The following ZNF536 variants were observed in gnomAD, a reference collection of about 807,000 sequenced individuals.
ZNF536 encodes the protein zinc finger protein 536.
In ZNF536, 13 loss-of-function variants were observed where a neutral mutation model predicts 84.5. The observed-to-expected ratio is 0.15, with a 90% CI of 0.10 to 0.24. The LOEUF is 0.24. Ranked by LOEUF, ZNF536 falls within the 10% of genes least tolerant of loss-of-function variation. The probability of loss-of-function intolerance (pLI) is 1.00; values close to 1 mark genes in which losing one functional copy is unlikely to be tolerated. For synonymous variants in ZNF536, 811 were observed against 742.5 expected (o/e 1.09, Z -1.50); for missense variants, 1,536 against 1,747.5 (o/e 0.88, Z 2.16).
chr19:30,689,088 C>CT (rs1373732981), intron 1 of ZNF536, among the ~76,000 whole-genome samples: 1 of 152,252 alleles, frequency 6.6e-6, no homozygotes, highest in Admixed American at 6.5e-5. Context: ...AGGCACTAGC[C>CT]TGAGCCCCTT....
chr19:30,599,116 T>G (rs1599936375), intron 1 of ZNF536, among the ~76,000 whole-genome samples: 1 of 112,258 alleles, frequency 8.9e-6, no homozygotes, highest in South Asian at 3.8e-4. Context: ...CCTCCCTCCC[T>G]CCCTCTCTCC....
At chr19:30,279,870 A>G (rs559786055) in intron 1 of ZNF536, among the ~76,000 whole-genome samples, 1 of 152,282 alleles carries the variant, frequency 6.6e-6, no homozygotes, top group African/African-American at 2.4e-5. Flanking sequence ...TTTCTCTCCA[A>G]ATCCTCCTTG....
intron 1 of ZNF536, among the ~76,000 whole-genome samples, chr19:30,629,567 AG>A (rs900597821): frequency 6.6e-6 from 1 of 152,240 alleles, no homozygotes; most frequent in African/African-American, 2.4e-5. Flanking sequence ...TTGTAAAAGA[AG>A]GGGCAAGGCT....
rs35362561 is a variant in ZNF536 at position 30,494,952 on chromosome 19, G to GA, written c.2171-39877dup. 5.7e-3 allele frequency among the ~76,000 whole-genome samples: 509 copies of GA among 89,140 alleles called. 7 individuals are homozygous for GA. The highest frequency in any genetic ancestry group is 9.8e-3 in the Admixed American group (70 of 7,126). The allele number at this position is 89,140 out of a possible 152,430, so 58.5% of individuals were successfully genotyped here. On this transcript the variant is annotated intron_variant, in intron 2 of 4. Transcript: ENST00000355537. Reference sequence around the variant, plus strand: ...CAGAGTGAGACTCCGTCTCAAAAAAGAAAAAAAAAAAAAAAAAAGCCCCCT... The same window carrying GA: ...CAGAGTGAGACTCCGTCTCAAAAAAGAAAAAAAAAAAAAAAAAAAGCCCCCT...
chr19:30,626,957 C>T (rs985709323), intron 1 of ZNF536, among the ~76,000 whole-genome samples: 1 of 152,104 alleles, frequency 6.6e-6, no homozygotes, highest in African/African-American at 2.4e-5. Flanking sequence ...AGGAATTAGC[C>T]AAACCCCTGA....
chr19:30,694,750 G>A (rs1483328025), intron 1 of ZNF536, among the ~76,000 whole-genome samples: 3 of 152,184 alleles, frequency 2.0e-5, no homozygotes, highest in Non-Finnish European at 4.4e-5. Context: ...GAGGGTGAAT[G>A]CATTTATGTC....
At chr19:30,602,951 C>T (rs1471053683) in intron 1 of ZNF536, among the ~76,000 whole-genome samples, 1 of 152,080 alleles carries the variant, frequency 6.6e-6, no homozygotes, top group African/African-American at 2.4e-5. Flanking sequence ...GGTACCCATC[C>T]CCCAGACAAA....
At chr19:30,567,196 C>T (rs541533123) in intron 1 of ZNF536, among the ~76,000 whole-genome samples, 11 of 152,228 alleles carry the variant, frequency 7.2e-5, no homozygotes, top group Non-Finnish European at 1.5e-4. Context: ...CCTGCCAGCC[C>T]GCCAGGCTCA....
At chr19:30,324,478 G>A (rs2046958769) in intron 2 of ZNF536, among the ~76,000 whole-genome samples, 1 of 152,188 alleles carries the variant, frequency 6.6e-6, no homozygotes, top group Admixed American at 6.5e-5. Context: ...GACCTCCCAG[G>A]CTCAGACAGT....
upstream of ZNF536, among the ~76,000 whole-genome samples, chr19:30,227,639 AG>A (rs2022688850): frequency 6.8e-6 from 1 of 146,558 alleles, no homozygotes; most frequent in Admixed American, 6.7e-5. Context: ...CGCGGGTGGG[AG>A]CCGGCGGCCG....
intron 3 of ZNF536, among the ~76,000 whole-genome samples, chr19:30,362,051 G>A (rs114419966): frequency 0.012 from 1,891 of 152,196 alleles, 47 homozygotes; most frequent in African/African-American, 0.044. Flanking sequence ...GCGGGTGTCT[G>A]TCTGTTTCGC....
chr19:30,619,087 C>T (rs890176800), intron 1 of ZNF536, among the ~76,000 whole-genome samples: 1 of 152,068 alleles, frequency 6.6e-6, no homozygotes, highest in African/African-American at 2.4e-5. Context: ...ACATTGTACC[C>T]ACCACGTAAT....
chr19:30,524,257 A>G (rs1174041889), intron 2 of ZNF536, among the ~76,000 whole-genome samples: 1 of 152,218 alleles, frequency 6.6e-6, no homozygotes, highest in Admixed American at 6.5e-5. Flanking sequence ...ATAAAAGAGT[A>G]TGTATTATGT....
intron 1 of ZNF536, among the ~76,000 whole-genome samples, chr19:30,435,329 A>G (rs566399195): frequency 2.0e-5 from 3 of 148,798 alleles, no homozygotes; most frequent in African/African-American, 7.5e-5. Flanking sequence ...GGTGGTGATG[A>G]TGATGGTGAT....
intron 2 of ZNF536, among the ~76,000 whole-genome samples, chr19:30,446,756 C>T (rs2052366717): frequency 6.6e-6 from 1 of 151,868 alleles, no homozygotes; most frequent in African/African-American, 2.4e-5. Context: ...GAAAATCTGT[C>T]ATCAAAATGT....
chr19:30,421,492 G>A (rs1464395502), intron 1 of ZNF536, among the ~76,000 whole-genome samples: 1 of 152,134 alleles, frequency 6.6e-6, no homozygotes, highest in Non-Finnish European at 1.5e-5. Context: ...GGCCTCCTGG[G>A]TAGCTGGGAT....
intron 1 of ZNF536, among the ~76,000 whole-genome samples, chr19:30,238,552 C>T (rs2023711829): frequency 6.6e-6 from 1 of 152,068 alleles, no homozygotes; most frequent in Non-Finnish European, 1.5e-5. Context: ...TCCATCTTTT[C>T]CCTACAGCCA....
At chr19:30,300,030 C>A (rs77979648) in intron 2 of ZNF536, among the ~76,000 whole-genome samples, 1 of 152,212 alleles carries the variant, frequency 6.6e-6, no homozygotes, top group East Asian at 1.9e-4. Context: ...ACTTTTCAGA[C>A]GAGGCAAAAC....
intron 2 of ZNF536, among the ~76,000 whole-genome samples, chr19:30,346,611 C>T (rs2047750748): frequency 6.6e-6 from 1 of 152,114 alleles, no homozygotes; most frequent in South Asian, 2.1e-4. Context: ...TTTTCTATTC[C>T]TGTGTGAGTT....
Sources: allele counts gnomAD v4.1 joint callset (sites outside exome capture counted in the v4.1 genomes callset), GRCh38; gene constraint gnomAD v4.1.1; transcripts MANE v1.5; gene names NCBI Gene and HGNC (gene_info 2026-07-23, HGNC 2026-07-21).